Variants in GRIA1 observed in about 807,000 individuals in gnomAD.
GRIA1 encodes glutamate receptor 1.
In GRIA1, 31 loss-of-function variants were observed where a neutral mutation model predicts 99.2. The observed-to-expected ratio is 0.31, with a 90% CI of 0.23 to 0.42. The LOEUF (loss-of-function observed/expected upper bound fraction) is 0.42. Among genes scored for constraint, GRIA1 ranks in the 10% least tolerant of loss-of-function variants. The pLI is 1.00. For synonymous variants in GRIA1, 438 were observed against 432.4 expected (o/e 1.01, Z -0.16); for missense variants, 782 against 1,157.5 (o/e 0.68, Z 4.71).
chr5:153,566,964 G>A (rs1004255253), intron 2 of GRIA1, among the ~76,000 whole-genome samples: 2 of 152,008 alleles, frequency 1.3e-5, no homozygotes, highest in Non-Finnish European at 2.9e-5. Flanking sequence ...TGATCCACCC[G>A]CCTCGGCCTC....
chr5:153,775,510 T>C (rs1764166975), intron 13 of GRIA1, among the ~76,000 whole-genome samples: 1 of 152,202 alleles, frequency 6.6e-6, no homozygotes. Flanking sequence ...AGCTTCACCC[T>C]GCAGCTTACC....
At chr5:153,595,433 T>A (rs1381381863) in intron 2 of GRIA1, among the ~76,000 whole-genome samples, 1 of 152,146 alleles carries the variant, frequency 6.6e-6, no homozygotes, top group African/African-American at 2.4e-5. Context: ...AATACTTGTT[T>A]AGCTAGCTCT....
At chr5:153,748,373 G>A (rs377478429) in intron 11 of GRIA1, among the ~76,000 whole-genome samples, 11 of 152,094 alleles carry the variant, frequency 7.2e-5, no homozygotes, top group Admixed American at 2.0e-4. Context: ...GAAAGACTTC[G>A]GTGTTTTCTA....
intron 13 of GRIA1, among the ~76,000 whole-genome samples, chr5:153,789,318 C>CATATATATAT (rs70978507): frequency 1.2e-4 from 17 of 147,536 alleles, no homozygotes; most frequent in African/African-American, 4.2e-4. Flanking sequence ...TTTGATATTA[C>CATATATATAT]ATATATATAT....
intron 3 of GRIA1, among the ~76,000 whole-genome samples, chr5:153,648,802 A>G (rs1203069994): frequency 1.3e-5 from 2 of 152,042 alleles, no homozygotes; most frequent in Non-Finnish European, 2.9e-5. Context: ...AATCCATGCA[A>G]GATCAAAATA....
intron 7 of GRIA1, among the ~76,000 whole-genome samples, chr5:153,685,476 A>C (rs1175912960): frequency 6.6e-6 from 1 of 152,234 alleles, no homozygotes; most frequent in Non-Finnish European, 1.5e-5. Flanking sequence ...ATTTTAGCCA[A>C]CTGAGATTTC....
intron 2 of GRIA1, among the ~76,000 whole-genome samples, chr5:153,534,676 C>T (rs1758399187): frequency 6.6e-6 from 1 of 152,128 alleles, no homozygotes; most frequent in Admixed American, 6.5e-5. Context: ...TGGTATGAGC[C>T]TCAGGGTCAT....
At chr5:153,533,585 G>T (rs1758282170) in intron 2 of GRIA1, among the ~76,000 whole-genome samples, 1 of 152,140 alleles carries the variant, frequency 6.6e-6, no homozygotes, top group African/African-American at 2.4e-5. Context: ...GAGAGCCATG[G>T]CCTCATTTAA....
intron 11 of GRIA1, among the ~76,000 whole-genome samples, chr5:153,758,614 G>A (rs565614733): frequency 2.0e-5 from 3 of 151,768 alleles, no homozygotes; most frequent in Non-Finnish European, 4.4e-5. Flanking sequence ...AAAATAATAG[G>A]AGAAACTTCA....
intron 8 of GRIA1, among the ~76,000 whole-genome samples, chr5:153,689,769 C>T (rs557058969): frequency 6.6e-6 from 1 of 152,310 alleles, no homozygotes; most frequent in South Asian, 2.1e-4. Context: ...CATCCTCTCC[C>T]TACTCACATT....
chr5:153,729,897 T>A (rs1056476832), intron 11 of GRIA1, among the ~76,000 whole-genome samples: 10 of 152,132 alleles, frequency 6.6e-5, no homozygotes, highest in African/African-American at 2.2e-4. Context: ...AGAACTGAAC[T>A]AGGTGAGTGG....
chr5:153,514,547 A>G (rs1386424164), intron 2 of GRIA1, among the ~76,000 whole-genome samples: 2 of 152,216 alleles, frequency 1.3e-5, no homozygotes, highest in African/African-American at 4.8e-5. Flanking sequence ...CCATTGGTCT[A>G]CATATCTGCT....
intron 14 of GRIA1, chr5:153,795,560 G>A (rs1765589903): frequency 6.2e-7 from 1 of 1,612,000 alleles, no homozygotes; most frequent in Non-Finnish European, 8.5e-7. Context: ...ACGATAAAGG[G>A]GAATGTGGAA....
In GRIA1 at chr5:153,762,884, AC is replaced by A. The variant is rs541208146; in HGVS notation, c.1824-1549del. Among the ~76,000 whole-genome samples, 515 of 152,338 alleles carry A rather than the reference AC, an allele frequency of 3.4e-3. 7 individuals are homozygous for A. The highest frequency in any genetic ancestry group is 0.012 in the African/African-American group (484 of 41,576). On this transcript the variant is annotated intron_variant, in intron 11 of 15. Coordinates refer to ENST00000285900, the MANE Select transcript of GRIA1 (RefSeq NM_000827.4). ...TAGTATTTGTTTTCCTGAAACTTCTACAAAGTTCTCCTAAATCAGGTCACAT... is the reference window on the plus strand; with the variant it reads ...TAGTATTTGTTTTCCTGAAACTTCTAAAAGTTCTCCTAAATCAGGTCACAT...
intron 7 of GRIA1, among the ~76,000 whole-genome samples, chr5:153,680,353 C>T (rs116427693): frequency 1.4e-4 from 21 of 151,972 alleles, no homozygotes; most frequent in African/African-American, 5.1e-4. Context: ...TGGAGGCCCT[C>T]AGCACTCCAG....
In GRIA1 at chr5:153,747,566, G is replaced by A. The variant is rs114258603; in HGVS notation, c.1824-16868G>A. On this transcript the variant is annotated intron_variant, in intron 11 of 15. Transcript: ENST00000285900. Reference sequence around the variant, plus strand: ...GCATCCAGCTCAGAGTTGGTTCTCAGAGAACAGTGGCTATGATGGTGAATA... The same window carrying A: ...GCATCCAGCTCAGAGTTGGTTCTCAAAGAACAGTGGCTATGATGGTGAATA... Among the ~76,000 whole-genome samples, 640 of 152,346 alleles carry A rather than the reference G, an allele frequency of 4.2e-3. 2 individuals carry two copies. The highest frequency in any genetic ancestry group is 7.0e-3 in the Non-Finnish European group (478 of 68,040).
chr5:153,540,083 AGCTGTGGTCTGTGGGGT>A (rs1294006770), intron 2 of GRIA1, among the ~76,000 whole-genome samples: 1 of 152,202 alleles, frequency 6.6e-6, no homozygotes, highest in Non-Finnish European at 1.5e-5. Flanking sequence ...GCCAAATGAC[AGCTGTGGTCTGTGGGGT>A]GCATTGTCCC....
chr5:153,624,541 TA>T (rs2149426781), intron 2 of GRIA1, among the ~76,000 whole-genome samples: 2 of 152,350 alleles, frequency 1.3e-5, no homozygotes, highest in Admixed American at 1.3e-4. Context: ...CACCTTGTTT[TA>T]CTTTGGAAGA....
intron 8 of GRIA1, among the ~76,000 whole-genome samples, chr5:153,692,382 C>T (rs762024403): frequency 6.6e-6 from 1 of 152,184 alleles, no homozygotes; most frequent in Non-Finnish European, 1.5e-5. Context: ...TTTTGTACAG[C>T]CCATGAGCTA....
Sources: allele counts gnomAD v4.1 joint callset (sites outside exome capture counted in the v4.1 genomes callset), GRCh38; gene constraint gnomAD v4.1.1; transcripts MANE v1.5; gene names NCBI Gene and HGNC (gene_info 2026-07-23, HGNC 2026-07-21).